The following CRB1 variants were observed in gnomAD, a reference collection of about 807,000 sequenced individuals.
The protein encoded by CRB1 is protein crumbs homolog 1.
CRB1 carries 83 observed loss-of-function variants against 120.0 expected under a neutral mutation model. That is an observed-to-expected ratio of 0.69 (90% CI 0.58 to 0.83). CRB1 has a LOEUF of 0.83. CRB1 is among the 40% of genes least tolerant of loss of function. CRB1 has a pLI of 0.00. For synonymous variants in CRB1, 625 were observed against 612.5 expected, an observed-to-expected ratio of 1.02 and a Z score of -0.30; for missense variants, 1,699 against 1,687.6, an observed-to-expected ratio of 1.01 and a Z score of -0.12.
At chr1:197,383,151 T>C (rs1319927375) in intron 5 of CRB1, among the ~76,000 whole-genome samples, 1 of 152,162 alleles carries the variant, frequency 6.6e-6, no homozygotes, top group African/African-American at 2.4e-5. Context: ...CTATTTTCTT[T>C]CACCAGTTCA....
intron 11 of CRB1, among the ~76,000 whole-genome samples, chr1:197,474,462 A>G (rs551053159): frequency 6.6e-6 from 1 of 152,294 alleles, no homozygotes; most frequent in Admixed American, 6.5e-5. Context: ...ACAGCAAAGC[A>G]ACTGTAGATG....
chr1:197,442,050 G>A (rs2125513239), intron 10 of CRB1, 116 bp from the exon 11 acceptor site: 1 of 1,147,300 alleles, frequency 8.7e-7, no homozygotes, highest in Admixed American at 1.7e-5. Context: ...AAGTATGTGT[G>A]GATGGGTAGA....
intron 1 of CRB1, among the ~76,000 whole-genome samples, chr1:197,287,539 C>A (rs1571770073): frequency 6.6e-6 from 1 of 151,842 alleles, no homozygotes; most frequent in African/African-American, 2.4e-5. Flanking sequence ...ATGGTGGTCT[C>A]TGTAACGGGA....
chr1:197,241,491 G>A, the CRB1 span, among the ~76,000 whole-genome samples: 1 of 152,108 alleles, frequency 6.6e-6, no homozygotes, highest in Non-Finnish European at 1.5e-5. Flanking sequence ...TGTCAGGTTT[G>A]TCAAAGTTCG....
intron 11 of CRB1, chr1:197,444,534 A>G (rs1017450559): frequency 1.3e-5 from 2 of 152,176 alleles, no homozygotes; most frequent in African/African-American, 4.8e-5. Flanking sequence ...CCTTCTAGAC[A>G]TACCTGTACT....
the CRB1 span, among the ~76,000 whole-genome samples, chr1:197,206,233 T>A: frequency 5.9e-5 from 9 of 151,588 alleles, no homozygotes; most frequent in African/African-American, 2.2e-4. Context: ...TCTTTTGTAT[T>A]TTTTTGTTTC....
chr1:197,363,499 A>G (rs1660891542), intron 5 of CRB1, among the ~76,000 whole-genome samples: 1 of 152,106 alleles, frequency 6.6e-6, no homozygotes, highest in Non-Finnish European at 1.5e-5. Context: ...TTCTTTTCTC[A>G]TGGAACTTGA....
intron 11 of CRB1, among the ~76,000 whole-genome samples, chr1:197,452,758 T>C (rs1666033054): frequency 1.3e-5 from 2 of 152,148 alleles, no homozygotes; most frequent in Admixed American, 1.3e-4. Flanking sequence ...AGTTGATTCC[T>C]AAATAAGTTA....
intron 8 of CRB1, among the ~76,000 whole-genome samples, chr1:197,433,782 A>C (rs898436603): frequency 2.6e-5 from 4 of 152,202 alleles, no homozygotes; most frequent in Admixed American, 1.3e-4. Context: ...GGTGAAAAGC[A>C]GTAGGACCCA....
At chr1:197,471,149 C>A (rs1330453878) in intron 11 of CRB1, among the ~76,000 whole-genome samples, 4 of 152,126 alleles carry the variant, frequency 2.6e-5, no homozygotes, top group Admixed American at 1.3e-4. Context: ...TCCCAGGAAG[C>A]GTCTTCCAGG....
At chr1:197,298,447 G>T (rs1656667938) in intron 1 of CRB1, among the ~76,000 whole-genome samples, 1 of 152,148 alleles carries the variant, frequency 6.6e-6, no homozygotes, top group Non-Finnish European at 1.5e-5. Flanking sequence ...AGGATTAAAT[G>T]CTTCAGGCGA....
the CRB1 span, among the ~76,000 whole-genome samples, chr1:197,257,716 A>G: frequency 2.0e-4 from 31 of 151,774 alleles, no homozygotes; most frequent in Non-Finnish European, 4.0e-4. Flanking sequence ...ATCCAATGAA[A>G]CCTCATTTTT....
intron 2 of CRB1, among the ~76,000 whole-genome samples, chr1:197,333,600 A>G (rs1658986322): frequency 6.6e-6 from 1 of 152,212 alleles, no homozygotes; most frequent in Non-Finnish European, 1.5e-5. Context: ...TCTATTACAA[A>G]ATAGATCTTT....
intron 2 of CRB1, among the ~76,000 whole-genome samples, chr1:197,339,434 A>C (rs933454756): frequency 1.3e-5 from 2 of 152,250 alleles, no homozygotes; most frequent in African/African-American, 4.8e-5. Flanking sequence ...AATAGCATAC[A>C]TAATTATTAT....
chr1:197,418,940 T>G (rs1303634061), intron 5 of CRB1, among the ~76,000 whole-genome samples: 1 of 152,172 alleles, frequency 6.6e-6, no homozygotes, highest in Non-Finnish European at 1.5e-5. Flanking sequence ...ACTTTCTAAA[T>G]AGTCTCTCTC....
At chr1:197,464,842 A>C (rs764273313) in intron 11 of CRB1, among the ~76,000 whole-genome samples, 12 of 152,238 alleles carry the variant, frequency 7.9e-5, no homozygotes, top group Non-Finnish European at 1.5e-4. Flanking sequence ...TTTCTTAAAT[A>C]GATCTCCAAG....
chr1:197,435,655 C>A, intron 9 of CRB1, 43 bp downstream of exon 9: 2 of 1,505,022 alleles, frequency 1.3e-6, no homozygotes, highest in Non-Finnish European at 1.8e-6. Flanking sequence ...TGAAGCTATA[C>A]TCTGCATCAC....
intron 5 of CRB1, among the ~76,000 whole-genome samples, chr1:197,374,745 A>G (rs950293369): frequency 3.3e-5 from 5 of 151,982 alleles, no homozygotes; most frequent in African/African-American, 1.2e-4. Context: ...TTTTCTAACT[A>G]AAGTTCTATA....
intron 5 of CRB1, among the ~76,000 whole-genome samples, chr1:197,402,826 G>A (rs1216134455): frequency 6.6e-6 from 1 of 152,066 alleles, no homozygotes; most frequent in Admixed American, 6.5e-5. Context: ...AGATCATACT[G>A]CTTTGATTAT....
Sources: gnomAD v4.1 joint callset for allele counts (sites outside exome capture counted in the v4.1 genomes callset) on GRCh38, gnomAD v4.1.1 for gene constraint, MANE v1.5 for transcripts, NCBI Gene and HGNC (gene_info 2026-07-23, HGNC 2026-07-21) for gene names.